Variants in CAST observed in about 807,000 individuals in gnomAD.
The protein encoded by CAST is MIR583 host.
A neutral mutation model predicts 119.6 loss-of-function variants in CAST; 76 were observed. The ratio of observed to expected loss-of-function variants is 0.64; its 90% confidence interval spans 0.53 to 0.77. The LOEUF is 0.77. CAST is among the 30% of genes least tolerant of loss of function. The probability of loss-of-function intolerance (pLI) is 0.00; values close to 1 mark genes in which losing one functional copy is unlikely to be tolerated. For missense variants in CAST, 953 were observed against 946.5 expected (o/e 1.01, Z -0.09); for synonymous variants, 319 against 331.6 (o/e 0.96, Z 0.41).
chr5:96,373,014 A>G, the CAST span, among the ~76,000 whole-genome samples: 2 of 151,270 alleles, frequency 1.3e-5, no homozygotes, highest in African/African-American at 2.4e-5. Flanking sequence ...TGATTCTCCA[A>G]TTTTTTTTTG....
At chr5:96,022,494 G>A in the CAST span, among the ~76,000 whole-genome samples, 1 of 152,138 alleles carries the variant, frequency 6.6e-6, no homozygotes, top group East Asian at 1.9e-4. Context: ...ACAAAACAAT[G>A]TTCTGGTTTT....
chr5:96,736,740 T>C (rs780956634), intron 10 of CAST, among the ~76,000 whole-genome samples: 47 of 152,202 alleles, frequency 3.1e-4, no homozygotes, highest in Non-Finnish European at 1.6e-4. Context: ...GGTCCTTTCC[T>C]AGATTGTTGT....
the CAST span, among the ~76,000 whole-genome samples, chr5:96,082,059 G>T: frequency 1.3e-5 from 2 of 151,996 alleles, no homozygotes; most frequent in Admixed American, 6.5e-5. Flanking sequence ...AACTACAGGC[G>T]CACGCTACCA....
At chr5:96,524,573 T>C (rs1745569791), upstream of CAST, among the ~76,000 whole-genome samples, 1 of 152,110 alleles carries the variant, frequency 6.6e-6, no homozygotes, top group South Asian at 2.1e-4. Context: ...GGAAGTGGGA[T>C]ATTGGCCTTG....
chr5:96,382,132 C>T, the CAST span, among the ~76,000 whole-genome samples: 4 of 152,136 alleles, frequency 2.6e-5, no homozygotes, highest in Non-Finnish European at 4.4e-5. Context: ...ATTCTAATGT[C>T]GCTACTTCAC....
the CAST span, among the ~76,000 whole-genome samples, chr5:96,054,193 A>G: frequency 6.6e-6 from 1 of 152,236 alleles, no homozygotes; most frequent in African/African-American, 2.4e-5. Flanking sequence ...AGCTCTGATT[A>G]TGAGGGCCTA....
At chr5:96,075,959 AT>A in the CAST span, among the ~76,000 whole-genome samples, 1 of 152,166 alleles carries the variant, frequency 6.6e-6, no homozygotes, top group Non-Finnish European at 1.5e-5. Flanking sequence ...ACTTCATCTT[AT>A]TTCTCTAATT....
In CAST at chr5:96,638,671, C is replaced by T. The variant is rs114471295; in HGVS notation, c.61-36868C>T. Among the ~76,000 whole-genome samples the T allele has an allele frequency of 1.8e-3, 271 of 152,260 alleles. 6 individuals carry two copies. The highest frequency in any genetic ancestry group is 3.5e-3 in the East Asian group (18 of 5,182). On this transcript the variant is annotated intron_variant, in intron 1 of 11. Coordinates refer to the CAST transcript ENST00000505143. ...TTGTTCTGATATACCAGTAAGAACA[C>T]CATAAGCAGCTCAACTCTCAAAGTC...
the CAST span, among the ~76,000 whole-genome samples, chr5:96,346,728 T>C: frequency 0.021 from 3,271 of 152,218 alleles, 119 homozygotes; most frequent in African/African-American, 0.074. Flanking sequence ...ATCTGGGCTA[T>C]ACAGTATGTG....
chr5:96,229,821 A>T, the CAST span, among the ~76,000 whole-genome samples: 1 of 152,222 alleles, frequency 6.6e-6, no homozygotes, highest in Non-Finnish European at 1.5e-5. Flanking sequence ...CCCTATGATC[A>T]TAGTTAATTA....
chr5:95,979,585 T>G, the CAST span, among the ~76,000 whole-genome samples: 1 of 152,198 alleles, frequency 6.6e-6, no homozygotes, highest in Non-Finnish European at 1.5e-5. Context: ...AAAATTATTT[T>G]TGGAAAAAGT....
chr5:96,374,072 A>C, the CAST span, among the ~76,000 whole-genome samples: 1 of 152,190 alleles, frequency 6.6e-6, no homozygotes, highest in Admixed American at 6.5e-5. Flanking sequence ...AAAAACATTA[A>C]GATTTGGCAC....
intron 3 of CAST, among the ~76,000 whole-genome samples, chr5:96,719,090 G>C (rs1232498273): frequency 2.0e-5 from 3 of 152,132 alleles, no homozygotes; most frequent in Non-Finnish European, 4.4e-5. Context: ...GGGAATGATT[G>C]TTCCATCAGC....
At chr5:96,751,117 T>C (rs1764949125) in intron 20 of CAST, among the ~76,000 whole-genome samples, 1 of 152,196 alleles carries the variant, frequency 6.6e-6, no homozygotes, top group Admixed American at 6.5e-5. Context: ...TCTTTCTCTT[T>C]CCTTCTTCTT....
At chr5:96,329,344 T>C in the CAST span, among the ~76,000 whole-genome samples, 1 of 152,246 alleles carries the variant, frequency 6.6e-6, no homozygotes, top group Non-Finnish European at 1.5e-5. Flanking sequence ...CACAAAGCTT[T>C]CTCTTATTAG....
At chr5:96,465,414 G>A in the CAST span, among the ~76,000 whole-genome samples, 1 of 152,082 alleles carries the variant, frequency 6.6e-6, no homozygotes, top group Admixed American at 6.6e-5. Context: ...TCCAGCACCA[G>A]GTAGGGCTTC....
chr5:96,150,011 A>G, the CAST span, among the ~76,000 whole-genome samples: 30 of 152,068 alleles, frequency 2.0e-4, no homozygotes, highest in Non-Finnish European at 4.1e-4. Context: ...ATCCTATTGT[A>G]TATTTGTTAT....
the CAST span, among the ~76,000 whole-genome samples, chr5:96,112,910 A>T: frequency 2.6e-5 from 4 of 152,216 alleles, no homozygotes; most frequent in Non-Finnish European, 5.9e-5. Flanking sequence ...CGGGAGATGG[A>T]GAGAGATAAT....
At chr5:96,341,167 A>C in the CAST span, among the ~76,000 whole-genome samples, 1 of 152,186 alleles carries the variant, frequency 6.6e-6, no homozygotes. Flanking sequence ...AATTATTTGC[A>C]CTTTAATTGC....
Sources: gnomAD v4.1 joint callset for allele counts (sites outside exome capture counted in the v4.1 genomes callset) on GRCh38, gnomAD v4.1.1 for gene constraint, MANE v1.5 for transcripts, NCBI Gene and HGNC (gene_info 2026-07-23, HGNC 2026-07-21) for gene names.